The following ATXN2L variants were observed in gnomAD, a reference collection of about 807,000 sequenced individuals.
ATXN2L encodes ataxin 2 like, also known as ataxin-2-like protein.
Under a neutral mutation model 120.7 loss-of-function variants are expected in ATXN2L, and 24 were observed. The observed-to-expected ratio is 0.20, with a 90% CI of 0.14 to 0.28. ATXN2L has a LOEUF of 0.28. Ranked by LOEUF, ATXN2L falls within the 10% of genes least tolerant of loss-of-function variation. The pLI is 1.00. For missense variants in ATXN2L, 1,312 were observed against 1,432.3 expected (o/e 0.92, Z 1.36); for synonymous variants, 653 against 568.1 (o/e 1.15, Z -2.13).
At chr16:28,824,359 T>G (rs1596843974) in intron 1 of ATXN2L, 2 of 1,224,662 alleles carry the variant, frequency 1.6e-6, no homozygotes, top group Non-Finnish European at 2.1e-6. Flanking sequence ...TCGCTGGAGG[T>G]GGGGGTTCGG....
At chr16:28,826,716 C>A (rs1438639848) in intron 5 of ATXN2L, 146 bp from the exon 6 acceptor site, 1 of 972,010 alleles carries the variant, frequency 1.0e-6, no homozygotes, top group Non-Finnish European at 1.4e-6. Context: ...CTCCCCACCC[C>A]CTGGCCATCC....
intron 15 of ATXN2L, 150 bp downstream of exon 15, chr16:28,833,658 C>G: frequency 1.1e-6 from 1 of 874,492 alleles, no homozygotes; most frequent in African/African-American, 1.7e-5. Flanking sequence ...AAGGATGGCA[C>G]CTTTGGGGCT....
chr16:28,834,613 T>C lies in ATXN2L; in HGVS notation c.2353T>C (p.Ser785Pro). The C allele has an allele frequency of 9.3e-6, 15 of 1,613,872 alleles. No homozygotes were observed. The highest frequency in any genetic ancestry group is 1.2e-5 in the Non-Finnish European group (14 of 1,179,986). The change falls in exon 18 of 22, where the codon TCT (serine) becomes CCT (proline). Residue 785 changes from serine to proline, a missense_variant. By Grantham distance (74) the Ser-to-Pro change is moderately conservative. Coordinates refer to ENST00000336783, the MANE Select transcript of ATXN2L (RefSeq NM_007245.4). ...GPPLVAATPYSSYIPYNPQQF... is the reference protein window; with the variant it reads ...GPPLVAATPYPSYIPYNPQQF... The stretch of plus-strand genomic sequence containing the variant: ...GCCTCTGGTGGCTGCCACGCCCTAT[T>C]CTTCCTACATCCCCTACAACCCTCA...
At chr16:28,835,837 C>T (rs1596582113) in intron 21 of ATXN2L, 79 bp downstream of exon 21, 1 of 1,595,666 alleles carries the variant, frequency 6.3e-7, no homozygotes, top group South Asian at 1.1e-5. Context: ...TGCCAAGTCC[C>T]TGGTGCCACC....
rs1254838391 is a variant in ATXN2L, at chr16:28,832,202, C to T, written c.1322-3C>T. On this transcript the variant is annotated splice_region_variant and splice_polypyrimidine_tract_variant and intron_variant, in intron 10 of 21. Coordinates refer to ENST00000336783, the MANE Select transcript of ATXN2L (RefSeq NM_007245.4). ...CATCCTACAGCTCCCCCTTTTCTTC[C>T]AGTGGGCCGGATGTATCCCCCGCGT... 6.2e-7 allele frequency: 1 copy of T among 1,613,958 alleles called. No individual in the cohort carries two copies. Among genetic ancestry groups the T allele is most frequent in the African/African-American group, 1.3e-5 (1 of 74,936 alleles).
In ATXN2L at chr16:28,832,076, C is replaced by T. The variant is rs2054689618; in HGVS notation, c.1322-129C>T. 6.1e-6 allele frequency: 6 copies of T among 977,946 alleles called. No homozygotes were observed. The South Asian group carries it at 9.9e-5, about 16-fold the overall frequency. 60.6% of individuals were successfully genotyped at this position (977,946 alleles called of 1,614,324 possible). A position where few individuals can be genotyped will look rare whatever the true frequency, so the allele number is the denominator to read the frequency against. On this transcript the variant is annotated intron_variant, in intron 10 of 21. Coordinates refer to ENST00000336783, the MANE Select transcript of ATXN2L (RefSeq NM_007245.4). ...ACCTGCTTGTGTTACCTGCCTTGAG[C>T]TTCTAGACATTTAAGTTGGTGACTC... is the stretch of plus-strand genomic sequence containing the variant.
chr16:28,824,018 T>C, intron 1 of ATXN2L: 1 of 816,220 alleles, frequency 1.2e-6, no homozygotes. Flanking sequence ...GGGAGGGACT[T>C]GGGAGCGGGT....
chr16:28,836,674 G>T lies in ATXN2L; in HGVS notation c.*409G>T. The T allele has an allele frequency of 6.2e-7, 1 of 1,613,224 alleles. No homozygotes were observed. Among genetic ancestry groups the T allele is most frequent in the South Asian group, 1.1e-5 (1 of 91,036 alleles). ...CCCACTGGACGGCATTGGAGGAAGG[G>T]ACAGCTGCTTGGGTTCTAATGCTCC... is the stretch of plus-strand genomic sequence containing the variant. On this transcript the variant is annotated 3_prime_UTR_variant, in exon 22 of 22. Transcript: ENST00000336783.
Position 28,832,574 on chromosome 16 carries a change from G to T in ATXN2L, c.1588+7G>T, listed in dbSNP as rs763231258. The T allele has an allele frequency of 6.2e-7, 1 of 1,613,870 alleles. No homozygotes were observed. Among genetic ancestry groups the T allele is most frequent in the Non-Finnish European group, 8.5e-7 (1 of 1,179,864 alleles). ...GCTCGGATAGCTGGGAAAGGTGAGG[G>T]TGGTTTTTTTTCTGCTGAGGATTAA... On this transcript the variant is annotated splice_region_variant and intron_variant, in intron 12 of 21. Transcript: ENST00000336783.
At chr16:28,829,536 G>A (rs2053579025) in intron 7 of ATXN2L, 44 bp downstream of exon 7, 3 of 1,387,750 alleles carry the variant, frequency 2.2e-6, no homozygotes, top group South Asian at 1.2e-5. Context: ...GGTGATATGG[G>A]GTCACTAAGT....
Position 28,834,158 on chromosome 16 carries a change from A to G in ATXN2L, c.2119A>G (p.Ser707Gly). 6.2e-7 allele frequency: 1 copy of G among 1,614,116 alleles called. No homozygotes were observed. Among genetic ancestry groups the G allele is most frequent in the Admixed American group, 1.7e-5 (1 of 60,014 alleles). ...VLTAGQSGLY[S>G]PQYISYIPQI... is the part of the protein sequence containing the mutation. ...GACAGCAGGCCAGAGTGGGCTATAC[A>G]GCCCCCAGTACATCTCCTACATACC... Residue 707 changes from serine (S) to glycine (G), a missense_variant, in exon 16 of 22, where the codon AGC becomes GGC. By Grantham distance (56) the Ser-to-Gly change is moderately conservative. Coordinates refer to ENST00000336783, the MANE Select transcript of ATXN2L (RefSeq NM_007245.4).
chr16:28,835,170 C>A lies in ATXN2L; in HGVS notation c.2546C>A (p.Thr849Asn). Reference sequence around the variant, plus strand: ...CAGTACCCTTCTGCAGAGCAGCCTACCCCCCAAGCCCTTTATGGTGAGTCC... The same window carrying A: ...CAGTACCCTTCTGCAGAGCAGCCTAACCCCCAAGCCCTTTATGGTGAGTCC... ...TPQYPSAEQP[T>N]PQALYATVHQ... is the part of the protein sequence containing the mutation. Residue 849 changes from threonine (T) to asparagine (N), a missense_variant, in exon 19 of 22, where the codon ACC (threonine) becomes AAC (asparagine). Coordinates refer to ENST00000336783, the MANE Select transcript of ATXN2L (RefSeq NM_007245.4). 1 of 1,611,806 alleles carries A rather than the reference C, an allele frequency of 6.2e-7. No individual in the cohort carries two copies. Among genetic ancestry groups the A allele is most frequent in the Non-Finnish European group, 8.5e-7 (1 of 1,178,772 alleles).
rs144853543 is a variant in ATXN2L, at chr16:28,831,314, A to AGTTTT, written c.1321+258_1321+262dup. On this transcript the variant is annotated intron_variant, in intron 10 of 21. Coordinates refer to ENST00000336783, the MANE Select transcript of ATXN2L (RefSeq NM_007245.4). The stretch of plus-strand genomic sequence containing the variant: ...TTGTTTAGATTTGAATCAGTTGCTA[A>AGTTTT]GTTTTGTTTTGTTTTGTTTTTTTCT... 4.6e-5 allele frequency among the ~76,000 whole-genome samples: 7 copies of AGTTTT among 151,934 alleles called. No individual in the cohort carries two copies. The South Asian group carries it at 1.0e-3, about 23-fold the overall frequency.
intron 5 of ATXN2L, 190 bp downstream of exon 5, chr16:28,826,580 C>A: frequency 1.5e-6 from 1 of 650,322 alleles, no homozygotes; most frequent in Non-Finnish European, 2.5e-6. Flanking sequence ...GTCTTGATGT[C>A]TAATATATAA....
Position 28,836,308 on chromosome 16 carries a change from C to G in ATXN2L, c.*43C>G. 1.9e-6 allele frequency: 3 copies of G among 1,611,382 alleles called. No homozygotes were observed. The highest frequency in any genetic ancestry group is 2.5e-6 in the Non-Finnish European group (3 of 1,178,674). ...GCTGTCCCACAGGGCGCCCGCCGAC[C>G]TGCACCTGTCTGTGAAGTATGTAGG... is the stretch of plus-strand genomic sequence containing the variant. On this transcript the variant is annotated 3_prime_UTR_variant, in exon 22 of 22. Transcript: ENST00000336783.
chr16:28,834,246 G>A lies in ATXN2L; in HGVS notation c.2172+35G>A, dbSNP rs144958166. 199 of 1,610,916 alleles carry A rather than the reference G, an allele frequency of 1.2e-4. No homozygotes were observed. In the African/African-American group the frequency reaches 2.2e-3, roughly 18 times the overall value. The stretch of plus-strand genomic sequence containing the variant: ...GAGACTGGCCGGGCCCAGGGTTAGC[G>A]GGGTGGGATTTGGTTGCGCTGGTTG... On this transcript the variant is annotated intron_variant, in intron 16 of 21. Transcript: ENST00000336783.
At chr16:28,824,838 C>T (rs142163998) in intron 1 of ATXN2L, among the ~76,000 whole-genome samples, 1 of 152,162 alleles carries the variant, frequency 6.6e-6, no homozygotes, top group East Asian at 1.9e-4. Context: ...GATCTTTTTG[C>T]TGGCATTTGG....
rs967112465 is a variant in ATXN2L at position 28,832,346 on chromosome 16, G to C, written c.1463G>C (p.Gly488Ala). 2.5e-6 allele frequency: 4 copies of C among 1,614,056 alleles called. No homozygotes were observed. Among genetic ancestry groups the C allele is most frequent in the Non-Finnish European group, 3.4e-6 (4 of 1,180,052 alleles). The change falls in exon 11 of 22, where the codon GGA becomes GCA. Residue 488 changes from glycine to alanine, a missense_variant. Transcript: ENST00000336783. ...IPVTSSVSDP[G>A]VGSISPASPK... ...GTGACCTCATCAGTCTCAGATCCTG[G>C]AGTGGGCTCCATTTCTCCAGCTTCT...
Position 28,826,896 on chromosome 16 carries a change from G to C in ATXN2L, c.651G>C (p.Ser217=), listed in dbSNP as rs200446825. ...CCGATTCAGCCATTGCCATGAACTC[G>C]AAAGTGAATGGGGAACACAAAGAGA... ...KFTDSAIAMN[S]KVNGEHKEKV... Residue 217 remains serine (S), a synonymous_variant, in exon 6 of 22, where the codon TCG becomes TCC. Coordinates refer to ENST00000336783, the MANE Select transcript of ATXN2L (RefSeq NM_007245.4). 6.3e-7 allele frequency: 1 copy of C among 1,598,538 alleles called. No individual in the cohort carries two copies. Among genetic ancestry groups the C allele is most frequent in the Non-Finnish European group, 8.5e-7 (1 of 1,170,318 alleles).
Sources: allele counts gnomAD v4.1 joint callset (sites outside exome capture counted in the v4.1 genomes callset), GRCh38; gene constraint gnomAD v4.1.1; transcripts MANE v1.5; gene names NCBI Gene and HGNC (gene_info 2026-07-23, HGNC 2026-07-21).